Variants in CDC40 observed in about 807,000 individuals in gnomAD.
CDC40 encodes pre-mRNA-processing factor 17.
In CDC40, 27 loss-of-function variants were observed where a neutral mutation model predicts 80.6. That is an observed-to-expected ratio of 0.33 (90% CI 0.25 to 0.46). The LOEUF is 0.46. Among genes scored for constraint, CDC40 ranks in the 20% least tolerant of loss-of-function variants. CDC40 has a pLI of 1.00. For missense variants in CDC40, 486 were observed against 694.1 expected, an observed-to-expected ratio of 0.70 and a Z score of 3.37; for synonymous variants, 221 against 232.6, an observed-to-expected ratio of 0.95 and a Z score of 0.45.
At chr6:110,205,112 G>C (rs75738137) in intron 3 of CDC40, among the ~76,000 whole-genome samples, 4,992 of 151,948 alleles carry the variant, frequency 0.033, 145 homozygotes, top group South Asian at 0.12. Context: ...CCATTCTTTT[G>C]CAAATTGTTT....
chr6:110,210,192 AAGTATT>A (rs1010690679), intron 5 of CDC40, among the ~76,000 whole-genome samples: 1 of 151,856 alleles, frequency 6.6e-6, no homozygotes, highest in African/African-American at 2.4e-5. Context: ...TATAGTTGAA[AAGTATT>A]ATCTAGTATC....
At chr6:110,192,188 G>A (rs1777358007) in intron 1 of CDC40, among the ~76,000 whole-genome samples, 1 of 152,158 alleles carries the variant, frequency 6.6e-6, no homozygotes, top group South Asian at 2.1e-4. Flanking sequence ...GAGGCTGTAG[G>A]TGGTCAGGGA....
At chr6:110,191,111 C>G (rs1321625740) in intron 1 of CDC40, among the ~76,000 whole-genome samples, 2 of 152,138 alleles carry the variant, frequency 1.3e-5, no homozygotes, top group African/African-American at 4.8e-5. Context: ...ACTAAGTTGC[C>G]TGTTTTGATA....
chr6:110,228,744 T>C (rs949454122), intron 13 of CDC40, 88 bp from the exon 14 acceptor site: 14 of 1,003,932 alleles, frequency 1.4e-5, no homozygotes, highest in African/African-American at 5.0e-5. Flanking sequence ...GCAAAACTTA[T>C]ATTAATCACA....
rs764184268 is a variant in CDC40 at position 110,219,391 on chromosome 6, G to A, written c.1118G>A (p.Arg373Gln). Residue 373 changes from arginine (R) to glutamine (Q), a missense_variant, in exon 11 of 15, where the codon CGA (arginine) becomes CAA (glutamine). Transcript: ENST00000307731. Reference sequence around the variant, plus strand: ...CAGTGTATATCAAGATTTACAAACCGAAAAGTACCTTATTGTGTCAAATTC... The same window carrying A: ...CAGTGTATATCAAGATTTACAAACCAAAAAGTACCTTATTGTGTCAAATTC... Reference protein sequence around the residue: ...TGQCISRFTNRKVPYCVKFNP... With the variant: ...TGQCISRFTNQKVPYCVKFNP... 10 of 1,596,614 alleles carry A rather than the reference G, an allele frequency of 6.3e-6. No individual in the cohort carries two copies. The highest frequency in any genetic ancestry group is 2.2e-5 in the East Asian group (1 of 44,716).
chr6:110,210,389 A>C (rs1777621741), intron 5 of CDC40, among the ~76,000 whole-genome samples: 1 of 149,152 alleles, frequency 6.7e-6, no homozygotes, highest in Admixed American at 6.7e-5. Context: ...GTCTCTACTA[A>C]AACAGAAAAA....
intron 1 of CDC40, among the ~76,000 whole-genome samples, chr6:110,183,455 T>C (rs1218919946): frequency 2.0e-5 from 3 of 152,086 alleles, no homozygotes; most frequent in African/African-American, 7.2e-5. Flanking sequence ...CACGAATAAA[T>C]AAGGGAACCC....
At chr6:110,201,516 T>A in intron 2 of CDC40, 42 bp from the exon 3 acceptor site, 1 of 1,479,408 alleles carries the variant, frequency 6.8e-7, no homozygotes, top group East Asian at 2.4e-5. Flanking sequence ...AACTTTTGTG[T>A]CTTTCTTATT....
Position 110,226,252 on chromosome 6 carries a change from G to C in CDC40, c.1417+9G>C. On this transcript the variant is annotated intron_variant, in intron 13 of 14. Coordinates refer to ENST00000307731, the MANE Select transcript of CDC40 (RefSeq NM_015891.3). ...GACTTTGTCTCCAAATGGTGAGTTA[G>C]TATGTAGATTGTATTTTTAAATGAG... 1 of 1,534,002 alleles carries C rather than the reference G, an allele frequency of 6.5e-7. No individual in the cohort carries two copies. Among genetic ancestry groups the C allele is most frequent in the Admixed American group, 1.7e-5 (1 of 59,240 alleles).
At chr6:110,193,089 G>T in intron 1 of CDC40, 93 bp from the exon 2 acceptor site, 1 of 715,862 alleles carries the variant, frequency 1.4e-6, no homozygotes, top group Non-Finnish European at 2.5e-6. Context: ...CCATAAAATA[G>T]ATGTTAAAGA....
Position 110,186,865 on chromosome 6 carries a change from G to T in CDC40, c.189+6232G>T, listed in dbSNP as rs146325919. ...GTGGACCTTTGGACATTTCTTAGCA[G>T]TTGTCAGTTCTTATCACTTCACATA... On this transcript the variant is annotated intron_variant, in intron 1 of 14. Transcript: ENST00000307731. Among the ~76,000 whole-genome samples the T allele has an allele frequency of 2.9e-3, 446 of 152,284 alleles. 1 individual carries two copies. The highest frequency in any genetic ancestry group is 0.01 in the African/African-American group (430 of 41,556).
At chr6:110,203,414 G>A (rs768384571) in intron 3 of CDC40, among the ~76,000 whole-genome samples, 16 of 151,936 alleles carry the variant, frequency 1.1e-4, no homozygotes, top group Non-Finnish European at 2.2e-4. Context: ...AGACCTTTCC[G>A]TTACCTTCCC....
intron 1 of CDC40, among the ~76,000 whole-genome samples, chr6:110,181,655 T>A (rs1375888402): frequency 6.6e-6 from 1 of 152,186 alleles, no homozygotes; most frequent in African/African-American, 2.4e-5. Context: ...CTTAAGCCCC[T>A]CCAGTAACCT....
intron 2 of CDC40, among the ~76,000 whole-genome samples, chr6:110,195,848 G>C (rs1777412266): frequency 6.6e-6 from 1 of 152,156 alleles, no homozygotes; most frequent in Non-Finnish European, 1.5e-5. Flanking sequence ...ATTGCGCAAG[G>C]CTTTGGGGGC....
chr6:110,188,498 A>G (rs77652434), intron 1 of CDC40, among the ~76,000 whole-genome samples: 11,069 of 152,198 alleles, frequency 0.073, 548 homozygotes, highest in African/African-American at 0.14. Context: ...CATCTTTTCA[A>G]TGGCCTAGCA....
chr6:110,222,101 C>T (rs1777785456), intron 12 of CDC40, among the ~76,000 whole-genome samples: 2 of 151,688 alleles, frequency 1.3e-5, no homozygotes, highest in Non-Finnish European at 2.9e-5. Flanking sequence ...ACAAGAAATA[C>T]AAAAATTAGC....
chr6:110,182,905 A>G (rs970336521), intron 1 of CDC40, among the ~76,000 whole-genome samples: 2 of 152,192 alleles, frequency 1.3e-5, no homozygotes, highest in African/African-American at 4.8e-5. Context: ...TTCCACTTAC[A>G]TCGTATCACT....
chr6:110,186,921 C>T (rs1302454977), intron 1 of CDC40, among the ~76,000 whole-genome samples: 6 of 152,168 alleles, frequency 3.9e-5, no homozygotes, highest in South Asian at 2.1e-4. Context: ...TCTTCTGGAA[C>T]GCCAATTACA....
intron 1 of CDC40, among the ~76,000 whole-genome samples, chr6:110,189,949 T>C (rs1020569604): frequency 1.3e-5 from 2 of 152,238 alleles, no homozygotes; most frequent in African/African-American, 4.8e-5. Context: ...TGTGACATAA[T>C]TGCCAAATCC....
Sources: gnomAD v4.1 joint callset for allele counts (sites outside exome capture counted in the v4.1 genomes callset) on GRCh38, gnomAD v4.1.1 for gene constraint, MANE v1.5 for transcripts, NCBI Gene and HGNC (gene_info 2026-07-23, HGNC 2026-07-21) for gene names.